Variants in KCNQ3 observed in about 807,000 individuals in gnomAD.
KCNQ3 encodes the protein potassium voltage-gated channel subfamily KQT member 3.
A neutral mutation model predicts 92.5 loss-of-function variants in KCNQ3; 30 were observed. The ratio of observed to expected loss-of-function variants is 0.32; its 90% CI spans 0.24 to 0.44. The LOEUF is 0.44. KCNQ3 is among the 20% of genes least tolerant of loss of function. The pLI is 1.00. For missense variants in KCNQ3, 913 were observed against 1,140.3 expected (o/e 0.80, Z 2.87); for synonymous variants, 450 against 468.8 (o/e 0.96, Z 0.52).
intron 9 of KCNQ3, among the ~76,000 whole-genome samples, chr8:132,144,464 T>C (rs180874572): frequency 2.0e-5 from 3 of 152,368 alleles, no homozygotes; most frequent in Non-Finnish European, 4.4e-5. Context: ...AGGAGGGCAC[T>C]GCAGATCTTG....
chr8:132,366,199 A>C (rs1819317787), intron 1 of KCNQ3, among the ~76,000 whole-genome samples: 1 of 152,004 alleles, frequency 6.6e-6, no homozygotes, highest in African/African-American at 2.4e-5. Context: ...GCTCTTGCAC[A>C]TTTTTAGTTA....
At chr8:132,311,470 T>C (rs1817590833) in intron 1 of KCNQ3, among the ~76,000 whole-genome samples, 1 of 151,748 alleles carries the variant, frequency 6.6e-6, no homozygotes, top group African/African-American at 2.4e-5. Context: ...CAAAATGATT[T>C]AGCAGCTCCC....
chr8:132,187,834 G>GGTGGTGGCGGTGGTAGTGATAGTGA (rs1563795746), intron 1 of KCNQ3, among the ~76,000 whole-genome samples: 4 of 108,800 alleles, frequency 3.7e-5, no homozygotes, highest in African/African-American at 1.4e-4. Flanking sequence ...GGTGGTGATT[G>GGTGGTGGCGGTGGTAGTGATAGTGA]TGGTGGTGGT....
At chr8:132,288,697 TTC>T (rs1491224651) in intron 1 of KCNQ3, among the ~76,000 whole-genome samples, 1 of 152,200 alleles carries the variant, frequency 6.6e-6, no homozygotes, top group East Asian at 1.9e-4. Flanking sequence ...GTGTTTTTTT[TTC>T]TCTTACATGT....
intron 1 of KCNQ3, among the ~76,000 whole-genome samples, chr8:132,357,194 A>C (rs1404646286): frequency 6.6e-6 from 1 of 152,224 alleles, no homozygotes; most frequent in Non-Finnish European, 1.5e-5. Context: ...ATAAAACAAA[A>C]ATAATGCCCC....
At chr8:132,182,486 G>A (rs1318059453) in intron 3 of KCNQ3, among the ~76,000 whole-genome samples, 1 of 152,248 alleles carries the variant, frequency 6.6e-6, no homozygotes, top group East Asian at 1.9e-4. Context: ...CTGAGGCCCA[G>A]CCTCATCTCC....
intron 1 of KCNQ3, among the ~76,000 whole-genome samples, chr8:132,341,671 T>A (rs2130686414): frequency 6.6e-6 from 1 of 152,370 alleles, no homozygotes; most frequent in Non-Finnish European, 1.5e-5. Flanking sequence ...ACCTGGTTTC[T>A]CTGTCATAAA....
rs1208473006 is a variant in KCNQ3 at position 132,169,046 on chromosome 8, G to A, written c.1235+1288C>T. Among the ~76,000 whole-genome samples, 4 of 152,120 alleles carry A rather than the reference G, an allele frequency of 2.6e-5. 1 individual carries two copies. Among genetic ancestry groups the A allele is most frequent in the Non-Finnish European group, 5.9e-5 (4 of 68,028 alleles). On this transcript the variant is annotated intron_variant, in intron 8 of 14. Transcript: ENST00000388996. ...AATGCACTCTGTTCTAGAAGCTCAA[G>A]TAGTGAAAAGACCATGGGCTTTGAA... is the stretch of plus-strand genomic sequence containing the variant.
intron 1 of KCNQ3, among the ~76,000 whole-genome samples, chr8:132,331,535 A>G (rs1359632156): frequency 6.6e-6 from 1 of 152,146 alleles, no homozygotes; most frequent in Non-Finnish European, 1.5e-5. Context: ...TAGCCTGGGC[A>G]GCTGTGGCTG....
chr8:132,478,465 T>A (rs984610671), intron 1 of KCNQ3, among the ~76,000 whole-genome samples: 3 of 152,184 alleles, frequency 2.0e-5, no homozygotes, highest in Non-Finnish European at 2.9e-5. Context: ...TTTTTAACTA[T>A]CACATATTTC....
intron 1 of KCNQ3, among the ~76,000 whole-genome samples, chr8:132,457,298 G>A (rs776973847): frequency 6.6e-6 from 1 of 152,172 alleles, no homozygotes; most frequent in African/African-American, 2.4e-5. Context: ...CCCAAAATGT[G>A]TCCATATAGT....
chr8:132,294,000 GTTT>G (rs386414036), intron 1 of KCNQ3, among the ~76,000 whole-genome samples: 19 of 124,174 alleles, frequency 1.5e-4, no homozygotes, highest in African/African-American at 3.7e-4. Flanking sequence ...TGTGTGTGTG[GTTT>G]TTTTTTTTTT....
At chr8:132,293,821 G>A (rs1206027442) in intron 1 of KCNQ3, among the ~76,000 whole-genome samples, 1 of 152,130 alleles carries the variant, frequency 6.6e-6, no homozygotes, top group African/African-American at 2.4e-5. Flanking sequence ...ATGGCAGCAA[G>A]CAAATCACAC....
intron 1 of KCNQ3, among the ~76,000 whole-genome samples, chr8:132,259,254 C>T (rs73710504): frequency 0.087 from 13,292 of 151,972 alleles, 662 homozygotes; most frequent in South Asian, 0.14. Flanking sequence ...AATGCCTTAA[C>T]AAAATACTAG....
At chr8:132,164,882 T>G (rs1172497404) in intron 8 of KCNQ3, among the ~76,000 whole-genome samples, 1 of 148,348 alleles carries the variant, frequency 6.7e-6, no homozygotes, top group African/African-American at 2.5e-5. Context: ...TGACCTTGAC[T>G]CCCCTCTCAC....
At chr8:132,307,682 C>G (rs1817468374) in intron 1 of KCNQ3, among the ~76,000 whole-genome samples, 2 of 152,144 alleles carry the variant, frequency 1.3e-5, no homozygotes, top group Admixed American at 6.5e-5. Context: ...TTAATTGAAT[C>G]AGATTAATGA....
At chr8:132,168,388 C>T (rs564193338) in intron 8 of KCNQ3, among the ~76,000 whole-genome samples, 28 of 152,306 alleles carry the variant, frequency 1.8e-4, no homozygotes, top group African/African-American at 6.0e-4. Flanking sequence ...CTCTGCAAGT[C>T]ACCCGTGACC....
At chr8:132,180,429 G>A in intron 3 of KCNQ3, 100 bp from the exon 4 acceptor site, 3 of 1,252,358 alleles carry the variant, frequency 2.4e-6, no homozygotes, top group Non-Finnish European at 1.2e-6. Flanking sequence ...AGATCAGCAT[G>A]TGCCAAGCAG....
intron 1 of KCNQ3, among the ~76,000 whole-genome samples, chr8:132,281,517 A>T (rs958350388): frequency 4.5e-5 from 5 of 110,614 alleles, no homozygotes; most frequent in Middle Eastern, 5.6e-3. Flanking sequence ...ATATATATGG[A>T]ATCTGTGTGT....
Sources: allele counts gnomAD v4.1 joint callset (sites outside exome capture counted in the v4.1 genomes callset), GRCh38; gene constraint gnomAD v4.1.1; transcripts MANE v1.5; gene names NCBI Gene and HGNC (gene_info 2026-07-23, HGNC 2026-07-21).